Variants in ADGRL2 observed in about 807,000 individuals in gnomAD.
ADGRL2 encodes adhesion G protein-coupled receptor L2.
ADGRL2 carries 44 observed loss-of-function variants against 157.4 expected under a neutral mutation model. The observed-to-expected ratio is 0.28, with a 90% CI of 0.22 to 0.36. ADGRL2 has a LOEUF of 0.36. Ranked by LOEUF, ADGRL2 falls within the 10% of genes least tolerant of loss-of-function variation. ADGRL2 has a pLI of 1.00. For missense variants in ADGRL2, 1,510 were observed against 1,768.9 expected (o/e 0.85, Z 2.63); for synonymous variants, 585 against 624.7 (o/e 0.94, Z 0.95).
chr1:81,560,095 C>T (rs1253751348), intron 2 of ADGRL2, among the ~76,000 whole-genome samples: 2 of 152,074 alleles, frequency 1.3e-5, no homozygotes, highest in Non-Finnish European at 2.9e-5. Context: ...CTTGCAGCTG[C>T]CCTGTCTTCA....
chr1:81,990,840 G>A lies in ADGRL2; in HGVS notation c.4105G>A (p.Ala1369Thr). ...DSYVSQLTAEAEDHLQSPNRD... is the reference protein window; with the variant it reads ...DSYVSQLTAETEDHLQSPNRD... The stretch of plus-strand genomic sequence containing the variant: ...CTATGTCTCCCAACTGACAGCAGAG[G>A]CTGAAGATCACCTACAGTCCCCCAA... The change falls in exon 24 of 24, where the codon GCT (alanine) becomes ACT (threonine). Residue 1369 changes from alanine to threonine, a missense_variant. By Grantham distance (58) the Ala-to-Thr change is moderately conservative. This residue lies in a region of ADGRL2 where 327 missense variants were observed against 310.1 expected (regional missense o/e 1.05). Coordinates refer to ENST00000686636, the MANE Select transcript of ADGRL2 (RefSeq NM_001366006.2). 6.2e-7 allele frequency: 1 copy of A among 1,614,100 alleles called. No individual in the cohort carries two copies. The highest frequency in any genetic ancestry group is 8.5e-7 in the Non-Finnish European group (1 of 1,180,012).
rs375413084 is a variant in ADGRL2 at position 81,650,182 on chromosome 1, G to C, written c.-143+69202G>C. The stretch of plus-strand genomic sequence containing the variant: ...CCCTTTCTGTCTTGTTCTTCACTCA[G>C]GCTCTCAACAAATTCTGTTAAATAA... On this transcript the variant is annotated intron_variant, in intron 3 of 24. Coordinates refer to the ADGRL2 transcript ENST00000370721. Among the ~76,000 whole-genome samples the C allele has an allele frequency of 8.5e-5, 13 of 152,166 alleles. No individual in the cohort carries two copies. The East Asian group carries it at 1.4e-3, about 16-fold the overall frequency.
At chr1:81,461,967 G>A (rs1213346088) in intron 2 of ADGRL2, among the ~76,000 whole-genome samples, 2 of 147,170 alleles carry the variant, frequency 1.4e-5, no homozygotes, top group Non-Finnish European at 3.0e-5. Flanking sequence ...AGAGACAAAG[G>A]AAGGGAAAGA....
chr1:81,896,257 T>C (rs773137006), intron 2 of ADGRL2, among the ~76,000 whole-genome samples: 5 of 152,218 alleles, frequency 3.3e-5, no homozygotes, highest in Non-Finnish European at 5.9e-5. Context: ...ACTTCAGATA[T>C]TAAATTTTTG....
At chr1:81,352,728 T>A (rs907670359) in intron 1 of ADGRL2, among the ~76,000 whole-genome samples, 8 of 152,164 alleles carry the variant, frequency 5.3e-5, no homozygotes, top group Admixed American at 4.6e-4. Flanking sequence ...CAGCCATTCT[T>A]TTTAGTCATC....
rs12045031 is a variant in ADGRL2, at chr1:81,462,107, C to A, written c.-248+17018C>A. Among the ~76,000 whole-genome samples, 1,292 of 152,230 alleles carry A rather than the reference C, an allele frequency of 8.5e-3. 24 individuals carry two copies. Among genetic ancestry groups the A allele is most frequent in the East Asian group, 0.041 (212 of 5,152 alleles). ...GTGTCCAGCTAGAGGATTGTAAACACACCAATCAGCATTCTGTAAAAATGG... is the reference window on the plus strand; with the variant it reads ...GTGTCCAGCTAGAGGATTGTAAACAAACCAATCAGCATTCTGTAAAAATGG... On this transcript the variant is annotated intron_variant, in intron 2 of 24. Transcript: ENST00000370721.
chr1:81,485,184 A>C (rs918108597), intron 2 of ADGRL2, among the ~76,000 whole-genome samples: 10 of 152,136 alleles, frequency 6.6e-5, no homozygotes, highest in African/African-American at 2.4e-4. Flanking sequence ...GCACAAAAAA[A>C]AAAAAAAAGT....
intron 1 of ADGRL2, among the ~76,000 whole-genome samples, chr1:81,358,077 C>T (rs897256947): frequency 7.2e-6 from 1 of 137,970 alleles, no homozygotes; most frequent in African/African-American, 2.5e-5. Context: ...TAATATTAGC[C>T]TTTTTTATTA....
chr1:81,306,174 C>G (rs1314898946), exon 1 of ADGRL2: 1 of 152,184 alleles, frequency 6.6e-6, no homozygotes, highest in Admixed American at 6.5e-5. Context: ...TTCTCTTTCT[C>G]TCTCCCTCTC....
intron 1 of ADGRL2, among the ~76,000 whole-genome samples, chr1:81,705,563 C>T (rs142182307): frequency 4.2e-4 from 63 of 151,708 alleles, no homozygotes; most frequent in African/African-American, 1.4e-3. Flanking sequence ...AGCTCTTAAA[C>T]GGCAAAATTC....
chr1:81,522,904 G>T (rs1166552507), intron 2 of ADGRL2, among the ~76,000 whole-genome samples: 1 of 152,054 alleles, frequency 6.6e-6, no homozygotes, highest in Non-Finnish European at 1.5e-5. Flanking sequence ...TACATTCAAA[G>T]GTTCAGTAGG....
intron 1 of ADGRL2, among the ~76,000 whole-genome samples, chr1:81,444,623 A>G (rs1260593147): frequency 6.6e-6 from 1 of 152,078 alleles, no homozygotes; most frequent in Non-Finnish European, 1.5e-5. Context: ...CAGCTTTCCA[A>G]TGGTTGGCCT....
chr1:81,949,509 G>T (rs537831992), intron 6 of ADGRL2, among the ~76,000 whole-genome samples: 1 of 152,258 alleles, frequency 6.6e-6, no homozygotes, highest in East Asian at 1.9e-4. Flanking sequence ...GCTTTATCTT[G>T]GTAAGAGATT....
At chr1:81,896,278 A>G (rs2094386769) in intron 2 of ADGRL2, among the ~76,000 whole-genome samples, 1 of 151,970 alleles carries the variant, frequency 6.6e-6, no homozygotes, top group African/African-American at 2.4e-5. Context: ...TTAGAAACTT[A>G]TTGATGTTAA....
intron 2 of ADGRL2, among the ~76,000 whole-genome samples, chr1:81,781,785 G>T (rs983523528): frequency 2.6e-5 from 4 of 152,150 alleles, no homozygotes; most frequent in African/African-American, 9.7e-5. Flanking sequence ...ACAATTGCCA[G>T]GGACACTACT....
At chr1:81,778,229 G>A (rs1445176873) in intron 2 of ADGRL2, among the ~76,000 whole-genome samples, 1 of 151,950 alleles carries the variant, frequency 6.6e-6, no homozygotes, top group Admixed American at 6.6e-5. Context: ...AGGCTGAGCA[G>A]GAGAATGGCG....
At chr1:81,657,347 G>C (rs1355557363) in intron 3 of ADGRL2, among the ~76,000 whole-genome samples, 2 of 152,176 alleles carry the variant, frequency 1.3e-5, no homozygotes, top group Admixed American at 1.3e-4. Context: ...GAAGCAGAAA[G>C]TGAGCCCTCA....
chr1:81,658,056 T>C (rs1427346288), intron 3 of ADGRL2, among the ~76,000 whole-genome samples: 1 of 152,196 alleles, frequency 6.6e-6, no homozygotes, highest in African/African-American at 2.4e-5. Context: ...AGTCCATTCA[T>C]TGGTATCTAG....
chr1:81,907,473 A>G (rs1444025375), intron 3 of ADGRL2, among the ~76,000 whole-genome samples: 1 of 152,198 alleles, frequency 6.6e-6, no homozygotes, highest in Non-Finnish European at 1.5e-5. Context: ...TTTGTGTTAT[A>G]TAAACATGAA....
Sources: gnomAD v4.1 joint callset for allele counts (sites outside exome capture counted in the v4.1 genomes callset) on GRCh38, gnomAD v4.1.1 for gene constraint, gnomAD v4.1.1 regional missense constraint, MANE v1.5 for transcripts, NCBI Gene and HGNC (gene_info 2026-07-23, HGNC 2026-07-21) for gene names.